The following SLC39A11 variants were observed in gnomAD, a reference collection of about 807,000 sequenced individuals.
SLC39A11 encodes solute carrier family 39 member 11.
SLC39A11 carries 33 observed loss-of-function variants against 36.1 expected under a neutral mutation model. That is an observed-to-expected ratio of 0.91 (90% CI 0.69 to 1.22). The LOEUF (loss-of-function observed/expected upper bound fraction) is 1.22, where lower values mean the gene tolerates loss of function less well. Among genes scored for constraint, SLC39A11 ranks in the 50% most tolerant of loss-of-function variants. The probability of loss-of-function intolerance (pLI) is 0.00; values close to 1 mark genes in which losing one functional copy is unlikely to be tolerated. For synonymous variants in SLC39A11, 166 were observed against 170.3 expected (o/e 0.97, Z 0.20); for missense variants, 432 against 430.3 (o/e 1.00, Z -0.03).
At chr17:73,091,045 C>T (rs752769653) in intron 1 of SLC39A11, among the ~76,000 whole-genome samples, 5 of 152,128 alleles carry the variant, frequency 3.3e-5, no homozygotes, top group African/African-American at 7.2e-5. Flanking sequence ...CAGGTCTCAC[C>T]CCAGACTTTC....
At chr17:72,799,630 G>A (rs763784390) in intron 6 of SLC39A11, among the ~76,000 whole-genome samples, 2 of 152,114 alleles carry the variant, frequency 1.3e-5, no homozygotes, top group African/African-American at 2.4e-5. Context: ...TTGAGATAAG[G>A]ACTGAGATAC....
chr17:73,008,268 A>G (rs2090305441), intron 4 of SLC39A11, among the ~76,000 whole-genome samples: 1 of 150,002 alleles, frequency 6.7e-6, no homozygotes, highest in African/African-American at 2.5e-5. Context: ...AGTAGCTGGG[A>G]CTACAGGCAC....
In SLC39A11 at chr17:72,870,034, T is replaced by TC. The variant is rs573232553; in HGVS notation, c.431-20231_431-20230insG. ...CTTGCTTTTTTTTTCTTCTTCTTCTTTTTTTTTTGTTTAGCATAACCTGTA... is the reference window on the plus strand; with the variant it reads ...CTTGCTTTTTTTTTCTTCTTCTTCTTCTTTTTTTTGTTTAGCATAACCTGTA... On this transcript the variant is annotated intron_variant, in intron 5 of 9. Transcript: ENST00000255559. 4.7e-3 allele frequency among the ~76,000 whole-genome samples: 711 copies of TC among 151,186 alleles called. 2 individuals are homozygous for TC. The highest frequency in any genetic ancestry group is 0.025 in the South Asian group (119 of 4,796).
Position 72,650,940 on chromosome 17 carries a change from C to T in SLC39A11, c.672-1672G>A, listed in dbSNP as rs1030749092. Among the ~76,000 whole-genome samples the T allele has an allele frequency of 3.3e-5, 5 of 152,264 alleles. No homozygotes were observed. In the East Asian group the frequency reaches 7.7e-4, roughly 23 times the overall value. ...CAGCCTCTAACAAAGAACACCAAGG[C>T]GAATCCCCAGTTTAGCATCTGACCT... On this transcript the variant is annotated intron_variant, in intron 7 of 9. Transcript: ENST00000255559.
chr17:72,835,924 A>G (rs1481438517), intron 6 of SLC39A11, among the ~76,000 whole-genome samples: 3 of 152,192 alleles, frequency 2.0e-5, no homozygotes, highest in Non-Finnish European at 2.9e-5. Context: ...TCTGCTCTAA[A>G]GGTTGTGCTT....
chr17:72,957,798 G>A (rs1371775430), intron 4 of SLC39A11, among the ~76,000 whole-genome samples: 2 of 146,612 alleles, frequency 1.4e-5, no homozygotes, highest in South Asian at 2.3e-4. Context: ...CAGCCTGGGC[G>A]ACAAAGGGAG....
chr17:73,002,444 G>A (rs2089875523), intron 4 of SLC39A11, among the ~76,000 whole-genome samples: 1 of 152,098 alleles, frequency 6.6e-6, no homozygotes, highest in Admixed American at 6.6e-5. Flanking sequence ...TAGAAGTCAG[G>A]GATCAAACTC....
At chr17:72,713,953 C>T (rs1010273262) in intron 7 of SLC39A11, among the ~76,000 whole-genome samples, 3 of 152,166 alleles carry the variant, frequency 2.0e-5, no homozygotes, top group Non-Finnish European at 4.4e-5. Context: ...TCAAAGCTCA[C>T]CCAGCTGGTA....
At chr17:72,655,754 G>C (rs945550169) in intron 7 of SLC39A11, among the ~76,000 whole-genome samples, 2 of 152,194 alleles carry the variant, frequency 1.3e-5, no homozygotes, top group African/African-American at 4.8e-5. Flanking sequence ...GCAACTGAGG[G>C]CAGGAGCAGC....
chr17:72,971,684 C>A (rs1053992832), intron 4 of SLC39A11, among the ~76,000 whole-genome samples: 1 of 152,350 alleles, frequency 6.6e-6, no homozygotes, highest in Middle Eastern at 3.4e-3. Context: ...GGCCGCCCCC[C>A]AGGAGGACTA....
intron 6 of SLC39A11, among the ~76,000 whole-genome samples, chr17:72,832,948 T>C (rs2145737427): frequency 6.6e-6 from 1 of 152,354 alleles, no homozygotes; most frequent in Non-Finnish European, 1.5e-5. Context: ...GCAGATGAGA[T>C]GGCTCCTTGG....
At chr17:72,660,343 C>T (rs954480645) in intron 7 of SLC39A11, among the ~76,000 whole-genome samples, 1 of 152,226 alleles carries the variant, frequency 6.6e-6, no homozygotes, top group African/African-American at 2.4e-5. Flanking sequence ...TTACTACGTG[C>T]TGGGCGTGCT....
intron 4 of SLC39A11, among the ~76,000 whole-genome samples, chr17:73,020,768 C>T (rs745752777): frequency 1.0e-4 from 15 of 150,214 alleles, no homozygotes; most frequent in Admixed American, 2.7e-4. Flanking sequence ...CTGCAACCTC[C>T]GCCTCCTGGG....
chr17:72,952,837 C>CT (rs1003397783), intron 4 of SLC39A11, among the ~76,000 whole-genome samples: 1 of 152,136 alleles, frequency 6.6e-6, no homozygotes, highest in African/African-American at 2.4e-5. Flanking sequence ...CCCCGACAGT[C>CT]TGCTCTGCTG....
chr17:72,713,931 T>C (rs2073221536), intron 7 of SLC39A11, among the ~76,000 whole-genome samples: 1 of 152,136 alleles, frequency 6.6e-6, no homozygotes, highest in South Asian at 2.1e-4. Flanking sequence ...CCCAGAGAAG[T>C]GAAATGACAT....
intron 6 of SLC39A11, among the ~76,000 whole-genome samples, chr17:72,806,506 T>C (rs766901076): frequency 3.1e-4 from 47 of 152,198 alleles, no homozygotes; most frequent in Admixed American, 5.9e-4. Flanking sequence ...CTTTTTTATA[T>C]AGTGGGCTGG....
intron 5 of SLC39A11, among the ~76,000 whole-genome samples, chr17:72,943,928 G>A (rs957424916): frequency 6.6e-6 from 1 of 152,092 alleles, no homozygotes; most frequent in Admixed American, 6.5e-5. Flanking sequence ...CAACCACAGG[G>A]GGAACCTAAG....
chr17:72,904,674 T>G (rs1381102813), intron 5 of SLC39A11, among the ~76,000 whole-genome samples: 1 of 152,212 alleles, frequency 6.6e-6, no homozygotes, highest in Non-Finnish European at 1.5e-5. Flanking sequence ...TTTGTTTCTT[T>G]CCTTCTCAGG....
chr17:72,783,879 C>T (rs541321924), intron 6 of SLC39A11, among the ~76,000 whole-genome samples: 7 of 152,256 alleles, frequency 4.6e-5, no homozygotes, highest in Non-Finnish European at 2.9e-5. Context: ...CCTAGCACAC[C>T]CTCAGCCAGG....
Sources: gnomAD v4.1 joint callset for allele counts (sites outside exome capture counted in the v4.1 genomes callset) on GRCh38, gnomAD v4.1.1 for gene constraint, MANE v1.5 for transcripts, NCBI Gene and HGNC (gene_info 2026-07-23, HGNC 2026-07-21) for gene names.